Variants in FER observed in about 807,000 individuals in gnomAD.
FER encodes FER tyrosine kinase.
Under a neutral mutation model 111.0 loss-of-function variants are expected in FER, and 63 were observed. The observed-to-expected ratio is 0.57, with a 90% CI of 0.46 to 0.70. FER has a LOEUF of 0.70. Among genes scored for constraint, FER ranks in the 30% least tolerant of loss-of-function variants. The pLI, the probability that FER is intolerant of heterozygous loss-of-function variation, is 0.00. For synonymous variants in FER, 327 were observed against 313.9 expected (o/e 1.04, Z -0.44); for missense variants, 914 against 954.0 (o/e 0.96, Z 0.55).
chr5:108,777,476 A>G (rs1158367437), intron 2 of FER, among the ~76,000 whole-genome samples: 3 of 152,208 alleles, frequency 2.0e-5, no homozygotes, highest in Non-Finnish European at 4.4e-5. Context: ...CACTCTTGGC[A>G]TTGTACATAT....
At chr5:108,764,315 T>A (rs1218120054) in intron 1 of FER, among the ~76,000 whole-genome samples, 2 of 152,206 alleles carry the variant, frequency 1.3e-5, no homozygotes, top group Non-Finnish European at 2.9e-5. Flanking sequence ...ACTACTTCAT[T>A]TATTTTTTAC....
intron 16 of FER, among the ~76,000 whole-genome samples, chr5:109,080,883 G>T (rs1214245695): frequency 1.3e-5 from 2 of 151,916 alleles, no homozygotes; most frequent in East Asian, 1.9e-4. Context: ...CGTATGCACA[G>T]TTAACAGGGC....
Position 108,894,645 on chromosome 5 carries a change from C to T in FER, c.1047-3014C>T, listed in dbSNP as rs76015509. 6.8e-4 allele frequency: 183 copies of T among 268,626 alleles called. 1 individual carries two copies. Among genetic ancestry groups the T allele is most frequent in the African/African-American group, 3.2e-3 (143 of 44,284 alleles). The allele number at this position is 268,626 out of a possible 1,614,324, so 16.6% of individuals were successfully genotyped here. On this transcript the variant is annotated intron_variant, in intron 9 of 19. Transcript: ENST00000281092. ...ATAGAAGAGCGTGGTGCTGGTCCTG[C>T]GGGCTGGACCAGAAAGAGGACAGGG...
At chr5:108,933,573 A>G (rs1328475710) in intron 10 of FER, among the ~76,000 whole-genome samples, 1 of 152,102 alleles carries the variant, frequency 6.6e-6, no homozygotes, top group Non-Finnish European at 1.5e-5. Flanking sequence ...TCTTGGCTGT[A>G]TAGGCTCATT....
intron 5 of FER, among the ~76,000 whole-genome samples, chr5:108,849,000 C>T (rs1051025180): frequency 1.1e-4 from 17 of 151,348 alleles, no homozygotes; most frequent in East Asian, 5.8e-4. Flanking sequence ...TGCCTTGTCA[C>T]GGAGAAATCT....
intron 10 of FER, among the ~76,000 whole-genome samples, chr5:108,913,926 A>G (rs1171598647): frequency 6.6e-6 from 1 of 152,194 alleles, no homozygotes; most frequent in African/African-American, 2.4e-5. Context: ...TTCCATTTAT[A>G]TGGAGCTCAA....
In FER at chr5:108,867,750, G is replaced by GTTTTTTT; in HGVS notation, c.482-10_482-4dup. On this transcript the variant is annotated splice_polypyrimidine_tract_variant and intron_variant, in intron 5 of 19. Transcript: ENST00000281092. ...CTTATCTCTTTACTAACTTTCTTCA[G>GTTTTTTT]TTTTTTTTTTTTTCAGGGAAGGAAA... is the stretch of plus-strand genomic sequence containing the variant. The GTTTTTTT allele has an allele frequency of 6.6e-7, 1 of 1,505,214 alleles. No homozygotes were observed. 93.2% of individuals were successfully genotyped at this position (1,505,214 alleles called of 1,614,324 possible). A position where few individuals can be genotyped will look rare whatever the true frequency, so the allele number is the denominator to read the frequency against.
intron 17 of FER, among the ~76,000 whole-genome samples, chr5:109,114,830 A>C (rs1313701815): frequency 2.0e-5 from 3 of 151,224 alleles, no homozygotes; most frequent in African/African-American, 7.3e-5. Flanking sequence ...AATCATTTCC[A>C]CTCCCCCTCT....
intron 1 of FER, among the ~76,000 whole-genome samples, chr5:108,749,433 C>T (rs1580352833): frequency 6.6e-6 from 1 of 152,168 alleles, no homozygotes; most frequent in South Asian, 2.1e-4. Context: ...CTGTGGGCAC[C>T]ACCCAATCTT....
At chr5:108,767,468 GCTT>G (rs1752448209) in intron 1 of FER, among the ~76,000 whole-genome samples, 1 of 152,070 alleles carries the variant, frequency 6.6e-6, no homozygotes, top group African/African-American at 2.4e-5. Context: ...ATAATCACTG[GCTT>G]CTTCTGATGG....
chr5:108,872,717 A>C (rs1009325108), intron 8 of FER, among the ~76,000 whole-genome samples: 1 of 152,156 alleles, frequency 6.6e-6, no homozygotes, highest in Non-Finnish European at 1.5e-5. Flanking sequence ...TATTAAAGGA[A>C]TTTTGAGAAA....
At chr5:108,984,021 A>G (rs993897363) in intron 13 of FER, among the ~76,000 whole-genome samples, 1 of 152,138 alleles carries the variant, frequency 6.6e-6, no homozygotes, top group Admixed American at 6.6e-5. Context: ...ACAGTAAAAA[A>G]ACAAAACAGA....
chr5:108,851,565 C>A (rs780750609), intron 5 of FER, among the ~76,000 whole-genome samples: 1 of 151,800 alleles, frequency 6.6e-6, no homozygotes, highest in Non-Finnish European at 1.5e-5. Flanking sequence ...GTAAAAAAAA[C>A]AAAAACAAAA....
At chr5:108,875,383 A>G (rs1191661692) in intron 8 of FER, among the ~76,000 whole-genome samples, 1 of 151,788 alleles carries the variant, frequency 6.6e-6, no homozygotes, top group Non-Finnish European at 1.5e-5. Context: ...CCCTACCAAC[A>G]CCTATCTCCC....
chr5:108,946,349 C>G (rs1371790891), intron 11 of FER, 127 bp downstream of exon 11: 1 of 560,598 alleles, frequency 1.8e-6, no homozygotes, highest in African/African-American at 1.9e-5. Context: ...TAAATTTGCA[C>G]TTACAAATGG....
intron 17 of FER, among the ~76,000 whole-genome samples, chr5:109,147,623 A>G (rs958976013): frequency 1.3e-5 from 2 of 152,044 alleles, no homozygotes. Flanking sequence ...CCTGTGCCAT[A>G]AGAAAATTTG....
At chr5:108,845,045 T>TATATATATATATATATAC in intron 5 of FER, among the ~76,000 whole-genome samples, 1 of 39,140 alleles carries the variant, frequency 2.6e-5, no homozygotes, top group Non-Finnish European at 4.7e-5. Context: ...TATATACATA[T>TATATATATATATATATAC]ATATATATAT....
chr5:108,810,447 C>A (rs574768974), intron 3 of FER, among the ~76,000 whole-genome samples: 1 of 152,352 alleles, frequency 6.6e-6, no homozygotes, highest in South Asian at 2.1e-4. Context: ...GCCTGCCTAC[C>A]TGTCGCCCAG....
Position 109,041,505 on chromosome 5 carries a change from G to A in FER, c.1714-3175G>A, listed in dbSNP as rs529016959. ...CTAGAAAGATAGAAGCCAACCGGAA[G>A]TTGAAATGAATGAGATAGATGTTAT... On this transcript the variant is annotated intron_variant, in intron 14 of 19. Coordinates refer to ENST00000281092, the MANE Select transcript of FER (RefSeq NM_005246.4). Among the ~76,000 whole-genome samples, 10 of 152,176 alleles carry A rather than the reference G, an allele frequency of 6.6e-5. No individual in the cohort carries two copies. The South Asian group carries it at 1.9e-3, about 28-fold the overall frequency.
Sources: gnomAD v4.1 joint callset for allele counts (sites outside exome capture counted in the v4.1 genomes callset) on GRCh38, gnomAD v4.1.1 for gene constraint, MANE v1.5 for transcripts, NCBI Gene and HGNC (gene_info 2026-07-23, HGNC 2026-07-21) for gene names.